C2orf76: variants seen among roughly 807,000 people sequenced by gnomAD.
The protein encoded by C2orf76 is chromosome 2 open reading frame 76, also known as UPF0538 protein C2orf76.
C2orf76 carries 23 observed loss-of-function variants against 16.9 expected under a neutral mutation model. The ratio of observed to expected loss-of-function variants is 1.36; its 90% CI spans 0.98 to 1.93. The LOEUF (loss-of-function observed/expected upper bound fraction) is 1.93, where lower values mean the gene tolerates loss of function less well. C2orf76 is among the 30% of genes most tolerant of loss of function. C2orf76 has a pLI of 0.00. For synonymous variants in C2orf76, 48 were observed against 52.3 expected, an observed-to-expected ratio of 0.92 and a Z score of 0.35; for missense variants, 152 against 152.6, an observed-to-expected ratio of 1.00 and a Z score of 0.02.
At chr2:119,360,732 T>C (rs570670135) in intron 1 of C2orf76, among the ~76,000 whole-genome samples, 7 of 152,066 alleles carry the variant, frequency 4.6e-5, no homozygotes, top group Non-Finnish European at 1.0e-4. Context: ...GTGGAAACAA[T>C]AGCAATAGCC....
the C2orf76 span, among the ~76,000 whole-genome samples, chr2:119,294,072 A>C: frequency 6.6e-6 from 1 of 152,036 alleles, no homozygotes; most frequent in Admixed American, 6.6e-5. Context: ...ATCTAGGGAG[A>C]AGATATAATT....
chr2:119,295,084 G>C, the C2orf76 span, among the ~76,000 whole-genome samples: 2 of 152,170 alleles, frequency 1.3e-5, no homozygotes, highest in Non-Finnish European at 2.9e-5. Context: ...CTAGGGTGCA[G>C]TTATTAATGA....
rs543976322 is a variant in C2orf76 at position 119,324,256 on chromosome 2, C to T, written c.134-3052G>A. On this transcript the variant is annotated intron_variant, in intron 2 of 5. Coordinates refer to ENST00000334816, the MANE Select transcript of C2orf76 (RefSeq NM_001322331.2). ...TCCAGACTTCTGAGAGAAGAGACAA[C>T]GACCAGGACACAGCGAGCACCTATT... Among the ~76,000 whole-genome samples the T allele has an allele frequency of 3.9e-5, 6 of 152,260 alleles. No homozygotes were observed. The East Asian group carries it at 1.2e-3, about 29-fold the overall frequency.
chr2:119,308,098 C>T (rs984233881), intron 5 of C2orf76, among the ~76,000 whole-genome samples: 1 of 152,120 alleles, frequency 6.6e-6, no homozygotes. Context: ...TCATTCTAAC[C>T]GATTTTCCCC....
At chr2:119,351,479 G>A (rs563100324) in intron 1 of C2orf76, among the ~76,000 whole-genome samples, 6 of 152,284 alleles carry the variant, frequency 3.9e-5, no homozygotes, top group South Asian at 2.1e-4. Flanking sequence ...GACTGGGCAC[G>A]GTGGCTCACA....
intron 3 of C2orf76, among the ~76,000 whole-genome samples, chr2:119,317,913 T>A (rs1040406650): frequency 1.3e-5 from 2 of 152,040 alleles, no homozygotes; most frequent in Admixed American, 1.3e-4. Context: ...TCTATTCAGA[T>A]GAGATATAAT....
At chr2:119,363,544 T>C (rs1422106145) in intron 1 of C2orf76, among the ~76,000 whole-genome samples, 1 of 152,172 alleles carries the variant, frequency 6.6e-6, no homozygotes, top group East Asian at 1.9e-4. Context: ...CCATCATTTG[T>C]GGATACCCTA....
the C2orf76 span, among the ~76,000 whole-genome samples, chr2:119,293,156 A>T: frequency 6.6e-6 from 1 of 152,370 alleles, no homozygotes; most frequent in East Asian, 1.9e-4. Context: ...TATACATTGG[A>T]GACATTCTAA....
chr2:119,311,742 T>A, intron 4 of C2orf76, 39 bp from the exon 5 acceptor site: 1 of 1,555,788 alleles, frequency 6.4e-7, no homozygotes, highest in Non-Finnish European at 8.7e-7. Flanking sequence ...TATCAGTACT[T>A]ACATGGGTTT....
chr2:119,285,372 C>G, the C2orf76 span, among the ~76,000 whole-genome samples: 3 of 152,160 alleles, frequency 2.0e-5, no homozygotes, highest in African/African-American at 7.2e-5. Context: ...GGTCACGTAA[C>G]TTGGAGGAGC....
intron 1 of C2orf76, among the ~76,000 whole-genome samples, chr2:119,352,243 A>G (rs985989335): frequency 6.6e-6 from 1 of 152,236 alleles, no homozygotes; most frequent in Non-Finnish European, 1.5e-5. Context: ...TTTATAAAGC[A>G]TATATACTCC....
chr2:119,295,805 C>T, the C2orf76 span, among the ~76,000 whole-genome samples: 13 of 152,230 alleles, frequency 8.5e-5, no homozygotes, highest in South Asian at 2.5e-3. Context: ...TCATGGCCTA[C>T]GAATGACATT....
At chr2:119,325,257 C>T (rs1044980748) in intron 2 of C2orf76, among the ~76,000 whole-genome samples, 3 of 151,910 alleles carry the variant, frequency 2.0e-5, no homozygotes, top group Admixed American at 6.6e-5. Context: ...GTCAAGAGTT[C>T]GAGACCAGCC....
chr2:119,302,633 C>A, intron 5 of C2orf76, 85 bp from the exon 6 acceptor site: 1 of 767,194 alleles, frequency 1.3e-6, no homozygotes, highest in South Asian at 3.1e-5. Flanking sequence ...GACTTTGATT[C>A]GGTATTTCAG....
chr2:119,367,110 C>A (rs1034269379), upstream of C2orf76: 1 of 1,610,702 alleles, frequency 6.2e-7, no homozygotes, highest in Non-Finnish European at 8.5e-7. Context: ...GCGGGAGGCC[C>A]GTTGGGGGCT....
chr2:119,295,084 GTTA>G, the C2orf76 span, among the ~76,000 whole-genome samples: 1 of 152,170 alleles, frequency 6.6e-6, no homozygotes, highest in Non-Finnish European at 1.5e-5. Flanking sequence ...CTAGGGTGCA[GTTA>G]TTAATGACTA....
chr2:119,292,554 T>C, the C2orf76 span, among the ~76,000 whole-genome samples: 1 of 152,172 alleles, frequency 6.6e-6, no homozygotes, highest in South Asian at 2.1e-4. Flanking sequence ...CAACTCCATT[T>C]GAAACACATA....
intron 1 of C2orf76, among the ~76,000 whole-genome samples, chr2:119,353,712 G>A (rs1344015669): frequency 2.0e-5 from 3 of 151,954 alleles, no homozygotes; most frequent in Non-Finnish European, 4.4e-5. Flanking sequence ...ACGGGCACAC[G>A]CTGCCACGCC....
At chr2:119,346,911 A>G (rs564561887) in intron 1 of C2orf76, among the ~76,000 whole-genome samples, 91 of 152,358 alleles carry the variant, frequency 6.0e-4, no homozygotes, top group Non-Finnish European at 6.0e-4. Context: ...GGTGTTGCCA[A>G]TGGGGGAAAG....
Sources: gnomAD v4.1 joint callset for allele counts (sites outside exome capture counted in the v4.1 genomes callset) on GRCh38, gnomAD v4.1.1 for gene constraint, MANE v1.5 for transcripts, NCBI Gene and HGNC (gene_info 2026-07-23, HGNC 2026-07-21) for gene names.